Variants in PRIMPOL observed in about 807,000 individuals in gnomAD.
PRIMPOL encodes the protein DNA-directed primase/polymerase protein.
In PRIMPOL, 54 loss-of-function variants were observed where a neutral mutation model predicts 63.6. The ratio of observed to expected loss-of-function variants is 0.85; its 90% confidence interval spans 0.68 to 1.07. PRIMPOL has a LOEUF of 1.07. Ranked by LOEUF, PRIMPOL falls within the 50% of genes least tolerant of loss-of-function variation. PRIMPOL has a pLI of 0.00. For missense variants in PRIMPOL, 610 were observed against 648.3 expected (o/e 0.94, Z 0.64); for synonymous variants, 197 against 220.2 (o/e 0.89, Z 0.93).
chr4:184,677,068 T>C (rs1754283495), intron 7 of PRIMPOL, among the ~76,000 whole-genome samples: 1 of 119,788 alleles, frequency 8.3e-6, no homozygotes, highest in Admixed American at 9.0e-5. Context: ...CCCTTTCCCT[T>C]TCCTTTCTAT....
intron 11 of PRIMPOL, among the ~76,000 whole-genome samples, chr4:184,690,984 T>C (rs1046042737): frequency 6.6e-6 from 1 of 152,232 alleles, no homozygotes; most frequent in Non-Finnish European, 1.5e-5. Context: ...GTGATGATTT[T>C]AAATTTGATA....
chr4:184,678,198 T>A, intron 7 of PRIMPOL, 34 bp from the exon 8 acceptor site: 1 of 1,398,460 alleles, frequency 7.2e-7, no homozygotes. Context: ...ACAGAAAACA[T>A]GCTTTCATAT....
intron 5 of PRIMPOL, among the ~76,000 whole-genome samples, chr4:184,663,022 T>TTATTAA (rs1156490313): frequency 8.2e-6 from 1 of 122,136 alleles, no homozygotes; most frequent in Non-Finnish European, 1.8e-5. Flanking sequence ...TAAACCTTTA[T>TTATTAA]TATTATTATT....
chr4:184,678,030 T>A (rs10027258), intron 7 of PRIMPOL, among the ~76,000 whole-genome samples: 10,076 of 152,268 alleles, frequency 0.066, 1,022 homozygotes, highest in African/African-American at 0.22. Context: ...ATAATTGAGT[T>A]TGCTGTTTCA....
intron 1 of PRIMPOL, among the ~76,000 whole-genome samples, chr4:184,650,331 C>T (rs1743886051): frequency 6.6e-6 from 1 of 152,200 alleles, no homozygotes; most frequent in Non-Finnish European, 1.5e-5. Flanking sequence ...GAAAAGAAGC[C>T]TGGTTTGGGC....
chr4:184,692,487 AAAAAAAG>A (rs1561103443), intron 13 of PRIMPOL, among the ~76,000 whole-genome samples: 1 of 150,942 alleles, frequency 6.6e-6, no homozygotes, highest in East Asian at 1.9e-4. Context: ...AAAAAAAAAA[AAAAAAAG>A]AAAGAAAATA....
intron 13 of PRIMPOL, among the ~76,000 whole-genome samples, chr4:184,693,620 T>C (rs1759610846): frequency 6.6e-6 from 1 of 152,174 alleles, no homozygotes; most frequent in Admixed American, 6.5e-5. Context: ...GGTCACTTGA[T>C]TTTAAATTTA....
At chr4:184,691,856 T>A (rs1380139893) in intron 13 of PRIMPOL, 144 bp downstream of exon 13, 1 of 625,220 alleles carries the variant, frequency 1.6e-6, no homozygotes, top group Non-Finnish European at 2.8e-6. Context: ...GAATATATTG[T>A]AGTGATTTTC....
chr4:184,664,194 C>CT (rs1235622876), intron 5 of PRIMPOL, among the ~76,000 whole-genome samples: 1 of 152,132 alleles, frequency 6.6e-6, no homozygotes, highest in African/African-American at 2.4e-5. Flanking sequence ...CTTGTCCTAC[C>CT]TAAAGCATCA....
chr4:184,687,926 T>C (rs1757421217), intron 11 of PRIMPOL, among the ~76,000 whole-genome samples: 1 of 152,214 alleles, frequency 6.6e-6, no homozygotes, highest in Non-Finnish European at 1.5e-5. Flanking sequence ...ATAAACAATA[T>C]AGTGTTTTCT....
At position 184,662,120 on chromosome 4, in the gene PRIMPOL, C is replaced by T. The variant is rs1300982120; in HGVS notation, c.408+217C>T. ...TTCATATAGTTTGCAATTTTGCTGT[C>T]TGGTAAAAAAAATGCTTTGAAAAAG... On this transcript the variant is annotated intron_variant, in intron 5 of 13. Coordinates refer to ENST00000314970, the MANE Select transcript of PRIMPOL (RefSeq NM_152683.4). Among the ~76,000 whole-genome samples the T allele has an allele frequency of 2.0e-5, 3 of 151,850 alleles. No homozygotes were observed. The East Asian group carries it at 5.8e-4, about 29-fold the overall frequency.
rs184445993 is a variant in PRIMPOL, at chr4:184,689,647, G to A, written c.1296-1852G>A. On this transcript the variant is annotated intron_variant, in intron 11 of 13. Transcript: ENST00000314970. The stretch of plus-strand genomic sequence containing the variant: ...TTTGTTGTATTTTTATTAGAGATGC[G>A]GTTTCACCATGTTGGCCAGGCTGGT... 8.4e-4 allele frequency among the ~76,000 whole-genome samples: 127 copies of A among 151,610 alleles called. 1 individual carries two copies. The highest frequency in any genetic ancestry group is 3.0e-3 in the African/African-American group (123 of 41,310).
At position 184,656,475 on chromosome 4, in the gene PRIMPOL, C is replaced by T. The variant is rs114049967; in HGVS notation, c.-59-607C>T. ...TTATTGCCTGGCCCCCTTACTCTGG[C>T]GTGGTTGACATGGAAGTATTATATA... On this transcript the variant is annotated intron_variant, in intron 2 of 13. Coordinates refer to ENST00000314970, the MANE Select transcript of PRIMPOL (RefSeq NM_152683.4). Among the ~76,000 whole-genome samples, 411 of 152,150 alleles carry T rather than the reference C, an allele frequency of 2.7e-3. 1 individual carries two copies. The highest frequency in any genetic ancestry group is 2.8e-3 in the Non-Finnish European group (190 of 68,004).
chr4:184,664,641 C>T (rs1379709968), intron 5 of PRIMPOL, among the ~76,000 whole-genome samples: 2 of 152,186 alleles, frequency 1.3e-5, no homozygotes, highest in African/African-American at 2.4e-5. Context: ...AAGTGGCATA[C>T]TTTCCTTCTC....
chr4:184,672,503 C>T, intron 7 of PRIMPOL, 43 bp downstream of exon 7: 1 of 1,543,160 alleles, frequency 6.5e-7, no homozygotes, highest in South Asian at 1.3e-5. Flanking sequence ...CGCCCTGGTG[C>T]TTTCGTGAGA....
chr4:184,690,219 G>A (rs776778182), intron 11 of PRIMPOL, among the ~76,000 whole-genome samples: 1 of 152,058 alleles, frequency 6.6e-6, no homozygotes, highest in Non-Finnish European at 1.5e-5. Context: ...TGCTTTTTAA[G>A]TTTGCTTAGT....
At position 184,664,478 on chromosome 4, in the gene PRIMPOL, C is replaced by T. The variant is rs77750550; in HGVS notation, c.409-1439C>T. On this transcript the variant is annotated intron_variant, in intron 5 of 13. Coordinates refer to ENST00000314970, the MANE Select transcript of PRIMPOL (RefSeq NM_152683.4). ...CCCCAAGTAATATCTAATGTGGCTC[C>T]GTACTGTTAGGGACTAGGCTTGTTG... 4.7e-3 allele frequency among the ~76,000 whole-genome samples: 710 copies of T among 152,322 alleles called. 18 individuals are homozygous for T. Among genetic ancestry groups the T allele is most frequent in the Admixed American group, 0.037 (571 of 15,296 alleles).
chr4:184,655,252 C>T (rs55899108), intron 2 of PRIMPOL, among the ~76,000 whole-genome samples: 7 of 150,452 alleles, frequency 4.7e-5, no homozygotes, highest in East Asian at 2.0e-4. Context: ...TCAGGTAATC[C>T]GCCCTCCTCT....
At chr4:184,691,261 A>C (rs1333907721) in intron 11 of PRIMPOL, 9 of 440,984 alleles carry the variant, frequency 2.0e-5, no homozygotes, top group Non-Finnish European at 3.6e-5. Flanking sequence ...ACAGGTTGAG[A>C]ATTGTTACAT....
Sources: allele counts gnomAD v4.1 joint callset (sites outside exome capture counted in the v4.1 genomes callset), GRCh38; gene constraint gnomAD v4.1.1; transcripts MANE v1.5; gene names NCBI Gene and HGNC (gene_info 2026-07-23, HGNC 2026-07-21).